The following ARHGAP42 variants were observed in gnomAD, a reference collection of about 807,000 sequenced individuals.
ARHGAP42 encodes the protein rho GTPase-activating protein 42.
Under a neutral mutation model 125.0 loss-of-function variants are expected in ARHGAP42, and 63 were observed. That is an observed-to-expected ratio of 0.50 (90% CI 0.41 to 0.62). The LOEUF (loss-of-function observed/expected upper bound fraction) is 0.62, where lower values mean the gene tolerates loss of function less well. Among genes scored for constraint, ARHGAP42 ranks in the 20% least tolerant of loss-of-function variants. The pLI, the probability that ARHGAP42 is intolerant of heterozygous loss-of-function variation, is 0.00. For missense variants in ARHGAP42, 766 were observed against 1,024.2 expected (o/e 0.75, Z 3.44); for synonymous variants, 339 against 351.0 (o/e 0.97, Z 0.38).
intron 1 of ARHGAP42, among the ~76,000 whole-genome samples, chr11:100,711,307 G>A (rs12279931): frequency 0.013 from 2,014 of 152,084 alleles, 61 homozygotes; most frequent in African/African-American, 0.046. Context: ...TCTCTTATAG[G>A]TCCTTTACTT....
At chr11:100,747,322 T>G (rs541111431) in intron 1 of ARHGAP42, among the ~76,000 whole-genome samples, 1 of 152,346 alleles carries the variant, frequency 6.6e-6, no homozygotes, top group East Asian at 1.9e-4. Context: ...TTAACAGTGC[T>G]TCCTGTATGA....
chr11:100,732,585 G>A (rs934750694), intron 1 of ARHGAP42, among the ~76,000 whole-genome samples: 3 of 152,024 alleles, frequency 2.0e-5, no homozygotes, highest in African/African-American at 4.8e-5. Context: ...GACTTCTCGG[G>A]TGGAGCCTTA....
At chr11:100,706,055 C>CA (rs2120221281) in intron 1 of ARHGAP42, among the ~76,000 whole-genome samples, 1 of 148,428 alleles carries the variant, frequency 6.7e-6, no homozygotes, top group Admixed American at 6.9e-5. Context: ...TCTCGGCTCA[C>CA]TGCAACCTCT....
intron 22 of ARHGAP42, among the ~76,000 whole-genome samples, chr11:100,980,559 C>CTTCTTCTTTTTTTTTTTTT (rs1555037006): frequency 9.6e-5 from 5 of 51,964 alleles, no homozygotes; most frequent in Non-Finnish European, 1.2e-4. Context: ...TTTTCTTCTT[C>CTTCTTCTTTTTTTTTTTTT]TTTTTTTTTT....
At chr11:100,786,524 A>G (rs1271997270) in intron 2 of ARHGAP42, among the ~76,000 whole-genome samples, 4 of 152,166 alleles carry the variant, frequency 2.6e-5, no homozygotes, top group African/African-American at 4.8e-5. Flanking sequence ...CTTACCATAT[A>G]TATATAAGCC....
chr11:100,955,594 G>C (rs1048277072), intron 12 of ARHGAP42, among the ~76,000 whole-genome samples: 1 of 152,110 alleles, frequency 6.6e-6, no homozygotes, highest in Non-Finnish European at 1.5e-5. Flanking sequence ...TTGGCTGCCT[G>C]CTCTGGGCCA....
At chr11:100,750,818 C>A (rs906142604) in intron 1 of ARHGAP42, among the ~76,000 whole-genome samples, 1 of 152,002 alleles carries the variant, frequency 6.6e-6, no homozygotes, top group Non-Finnish European at 1.5e-5. Context: ...AAGTACTGAA[C>A]ATACTGACAT....
intron 4 of ARHGAP42, among the ~76,000 whole-genome samples, chr11:100,864,379 T>G (rs1056308220): frequency 2.6e-5 from 4 of 151,988 alleles, no homozygotes; most frequent in African/African-American, 4.8e-5. Context: ...GAGAAAAGAT[T>G]TCACACTGGC....
At chr11:100,712,497 G>A (rs1284453998) in intron 1 of ARHGAP42, among the ~76,000 whole-genome samples, 3 of 152,206 alleles carry the variant, frequency 2.0e-5, no homozygotes, top group African/African-American at 7.2e-5. Flanking sequence ...TCAGGGTGGT[G>A]ATATTAAAGA....
At chr11:100,931,110 T>C (rs1867568724) in intron 6 of ARHGAP42, among the ~76,000 whole-genome samples, 1 of 152,184 alleles carries the variant, frequency 6.6e-6, no homozygotes, top group Non-Finnish European at 1.5e-5. Flanking sequence ...TTCTTAATAA[T>C]TTTGTGCATG....
intron 22 of ARHGAP42, among the ~76,000 whole-genome samples, chr11:100,984,116 A>T (rs994602928): frequency 7.7e-6 from 1 of 129,596 alleles, no homozygotes; most frequent in Non-Finnish European, 1.7e-5. Flanking sequence ...GACCCTGTCT[A>T]AAAAAAAAAA....
At chr11:100,927,296 A>G (rs917727298) in intron 6 of ARHGAP42, among the ~76,000 whole-genome samples, 13 of 152,162 alleles carry the variant, frequency 8.5e-5, no homozygotes, top group Non-Finnish European at 1.6e-4. Context: ...TTCTTTTTCA[A>G]CGTAATCAGT....
intron 4 of ARHGAP42, among the ~76,000 whole-genome samples, chr11:100,899,777 C>A (rs1591279340): frequency 7.1e-6 from 1 of 141,436 alleles, no homozygotes; most frequent in East Asian, 2.3e-4. Flanking sequence ...TTCCTCCATC[C>A]CTTTGTTTTG....
At chr11:100,932,054 T>C (rs565396451) in intron 6 of ARHGAP42, among the ~76,000 whole-genome samples, 1 of 152,302 alleles carries the variant, frequency 6.6e-6, no homozygotes, top group East Asian at 1.9e-4. Context: ...GAAAATGTTT[T>C]CTGAAATGAA....
At chr11:100,917,015 T>TTGTGTGTGTGTGTG (rs6144479) in intron 5 of ARHGAP42, among the ~76,000 whole-genome samples, 43 of 149,616 alleles carry the variant, frequency 2.9e-4, no homozygotes, top group Middle Eastern at 6.9e-3. Flanking sequence ...TAAAATAAGT[T>TTGTGTGTGTGTGTG]TGTGTGTGTG....
chr11:100,769,684 G>A (rs369589369), intron 1 of ARHGAP42, among the ~76,000 whole-genome samples: 18 of 132,266 alleles, frequency 1.4e-4, no homozygotes, highest in South Asian at 5.0e-4. Context: ...CTTTTTTCCC[G>A]TCACCAGCAA....
In ARHGAP42 at chr11:100,739,912, A is replaced by T. The variant is rs1862147549; in HGVS notation, c.155-30431A>T. On this transcript the variant is annotated intron_variant, in intron 1 of 23. Transcript: ENST00000298815. ...GCCATCTGACCCACAGTCCAGCTGCAGCTTTTAAAAATACTAGTGGCAAAG... is the reference window on the plus strand; with the variant it reads ...GCCATCTGACCCACAGTCCAGCTGCTGCTTTTAAAAATACTAGTGGCAAAG... 2.0e-5 allele frequency among the ~76,000 whole-genome samples: 3 copies of T among 152,168 alleles called. No homozygotes were observed. The South Asian group carries it at 6.2e-4, about 32-fold the overall frequency.
intron 4 of ARHGAP42, among the ~76,000 whole-genome samples, chr11:100,901,524 A>C (rs899475209): frequency 2.0e-5 from 3 of 152,114 alleles, no homozygotes; most frequent in African/African-American, 7.2e-5. Flanking sequence ...ATAGATGTGG[A>C]GTCTATGGAG....
chr11:100,890,376 C>G (rs1350887315), intron 4 of ARHGAP42, among the ~76,000 whole-genome samples: 4 of 152,162 alleles, frequency 2.6e-5, no homozygotes, highest in Non-Finnish European at 5.9e-5. Flanking sequence ...TATTATCCTA[C>G]AAGTTCCATG....
Sources: allele counts gnomAD v4.1 joint callset (sites outside exome capture counted in the v4.1 genomes callset), GRCh38; gene constraint gnomAD v4.1.1; transcripts MANE v1.5; gene names NCBI Gene and HGNC (gene_info 2026-07-23, HGNC 2026-07-21).